CWC22: variants seen among roughly 807,000 people sequenced by gnomAD.
The protein encoded by CWC22 is pre-mRNA-splicing factor CWC22 homolog.
A neutral mutation model predicts 117.2 loss-of-function variants in CWC22; 53 were observed. The observed-to-expected ratio is 0.45, with a 90% CI of 0.36 to 0.57. The LOEUF (loss-of-function observed/expected upper bound fraction) is 0.57, where lower values mean the gene tolerates loss of function less well. Ranked by LOEUF, CWC22 falls within the 20% of genes least tolerant of loss-of-function variation. The probability of loss-of-function intolerance (pLI) is 0.00; values close to 1 mark genes in which losing one functional copy is unlikely to be tolerated. For synonymous variants in CWC22, 360 were observed against 355.6 expected (o/e 1.01, Z -0.14); for missense variants, 980 against 1,068.8 (o/e 0.92, Z 1.16).
intron 14 of CWC22, among the ~76,000 whole-genome samples, chr2:179,955,254 A>G (rs746788967): frequency 1.3e-5 from 2 of 152,044 alleles, no homozygotes; most frequent in African/African-American, 4.8e-5. Flanking sequence ...TGCTAATTAC[A>G]TTAATTATAA....
intron 8 of CWC22, among the ~76,000 whole-genome samples, chr2:179,972,074 T>C (rs1687048810): frequency 6.6e-6 from 1 of 152,218 alleles, no homozygotes; most frequent in Non-Finnish European, 1.5e-5. Flanking sequence ...GTTACAGATG[T>C]GAAATTAAGT....
chr2:179,963,564 G>A (rs1475516783), intron 13 of CWC22, among the ~76,000 whole-genome samples: 1 of 151,098 alleles, frequency 6.6e-6, no homozygotes, highest in East Asian at 1.9e-4. Context: ...GGATGGTCTC[G>A]ATCTCCTGAC....
intron 5 of CWC22, among the ~76,000 whole-genome samples, chr2:179,980,294 T>C (rs1575651503): frequency 6.6e-6 from 1 of 152,296 alleles, no homozygotes; most frequent in East Asian, 1.9e-4. Flanking sequence ...CGCTAAAATA[T>C]GACACATAAA....
chr2:179,996,896 T>C (rs1164492815), intron 1 of CWC22, among the ~76,000 whole-genome samples: 1 of 148,642 alleles, frequency 6.7e-6, no homozygotes, highest in Non-Finnish European at 1.5e-5. Context: ...AATGAAGACA[T>C]TTACTGATTA....
At chr2:179,954,490 C>A in intron 15 of CWC22, 133 bp from the exon 16 acceptor site, 2 of 573,898 alleles carry the variant, frequency 3.5e-6, no homozygotes, top group Non-Finnish European at 5.9e-6. Context: ...TCACTAAATC[C>A]TTTTGTGCCA....
intron 1 of CWC22, among the ~76,000 whole-genome samples, chr2:179,994,389 G>C (rs1371145866): frequency 6.6e-6 from 1 of 152,094 alleles, no homozygotes; most frequent in African/African-American, 2.4e-5. Context: ...AGAGAACACT[G>C]AAAGCCAGAT....
At chr2:179,996,573 C>A (rs1015698150) in intron 1 of CWC22, among the ~76,000 whole-genome samples, 1 of 151,980 alleles carries the variant, frequency 6.6e-6, no homozygotes, top group Admixed American at 6.6e-5. Context: ...ACCATGTTCT[C>A]ATTTACATGC....
At chr2:179,971,978 A>C (rs1687046455) in intron 8 of CWC22, among the ~76,000 whole-genome samples, 1 of 152,170 alleles carries the variant, frequency 6.6e-6, no homozygotes, top group African/African-American at 2.4e-5. Context: ...AGATGCAAAA[A>C]ATTTATCATA....
intron 6 of CWC22, among the ~76,000 whole-genome samples, chr2:179,976,437 T>G (rs1285457068): frequency 6.6e-6 from 1 of 152,176 alleles, no homozygotes; most frequent in Non-Finnish European, 1.5e-5. Context: ...CTAGAATGCT[T>G]CTGCACAGCA....
chr2:179,950,628 G>A lies in CWC22; in HGVS notation c.2024C>T (p.Ser675Phe), dbSNP rs756835264. Residue 675 changes from serine (S) to phenylalanine (F), a missense_variant, in exon 19 of 20, where the codon TCC becomes TTC. This residue lies in a region of CWC22 where 306 missense variants were observed against 296.8 expected (regional missense o/e 1.03). Coordinates refer to ENST00000410053, the MANE Select transcript of CWC22 (RefSeq NM_020943.3). The part of the protein sequence containing the change: ...KSSPSSSSSA[S>F]SSSESDSSDS... ...GGATGAGTCAGACTCTGAAGAGGAGGACGCTGAAGAGGAAGAGGATGGGGA... is the reference window on the plus strand; with the variant it reads ...GGATGAGTCAGACTCTGAAGAGGAGAACGCTGAAGAGGAAGAGGATGGGGA... 4.3e-6 allele frequency: 7 copies of A among 1,613,544 alleles called. No homozygotes were observed. The highest frequency in any genetic ancestry group is 5.9e-6 in the Non-Finnish European group (7 of 1,179,562).
chr2:179,978,294 C>T lies in CWC22; in HGVS notation c.477G>A (p.Trp159Ter). 6.5e-7 allele frequency: 1 copy of T among 1,529,756 alleles called. No individual in the cohort carries two copies. Among genetic ancestry groups the T allele is most frequent in the Non-Finnish European group, 8.8e-7 (1 of 1,139,708 alleles). 94.8% of individuals were successfully genotyped at this position (1,529,756 alleles called of 1,614,324 possible). A position where few individuals can be genotyped will look rare whatever the true frequency, so the allele number is the denominator to read the frequency against. Residue 159 changes from tryptophan (W) to a stop codon, truncating the protein, a stop_gained, in exon 6 of 20, where the codon TGG (tryptophan) becomes TGA (stop). Coordinates refer to ENST00000410053, the MANE Select transcript of CWC22 (RefSeq NM_020943.3). LOFTEE classifies it high-confidence loss of function. ...KNSLAYQRMS[W>*]EALKKSINGL... is the part of the protein sequence containing the mutation. Reference sequence around the variant, plus strand: ...CATTAATTGACTTCTTCAGGGCCTCCCAACTCATCCTCTGGTATGCTAAGC... The same window carrying T: ...CATTAATTGACTTCTTCAGGGCCTCTCAACTCATCCTCTGGTATGCTAAGC...
chr2:179,995,460 G>C (rs1384177411), intron 1 of CWC22, among the ~76,000 whole-genome samples: 1 of 152,184 alleles, frequency 6.6e-6, no homozygotes, highest in Non-Finnish European at 1.5e-5. Context: ...AAAGGCGAAA[G>C]AGAGGTTCGA....
intron 13 of CWC22, among the ~76,000 whole-genome samples, chr2:179,962,431 A>G (rs1211390399): frequency 6.6e-6 from 1 of 152,134 alleles, no homozygotes; most frequent in Non-Finnish European, 1.5e-5. Flanking sequence ...CACTGTTGAT[A>G]TGTTAACATA....
At chr2:179,999,314 T>C (rs1687787464) in intron 1 of CWC22, among the ~76,000 whole-genome samples, 1 of 152,178 alleles carries the variant, frequency 6.6e-6, no homozygotes, top group Non-Finnish European at 1.5e-5. Context: ...GTGAATTTTA[T>C]GGTGAATTAT....
rs764562773 is a variant in CWC22, at chr2:179,964,620, C to A, written c.1324G>T (p.Val442Leu). 2.0e-6 allele frequency: 3 copies of A among 1,530,084 alleles called. No homozygotes were observed. In the African/African-American group the frequency reaches 4.1e-5, roughly 21 times the overall value. 94.8% of individuals were successfully genotyped at this position (1,530,084 alleles called of 1,614,324 possible). A position where few individuals can be genotyped will look rare whatever the true frequency, so the allele number is the denominator to read the frequency against. ...ATTTCTGTTTTGTCATGAATAGTTACTTTTTGTCCTGAAAGAAACATAACA... is the reference window on the plus strand; with the variant it reads ...ATTTCTGTTTTGTCATGAATAGTTAATTTTTGTCCTGAAAGAAACATAACA... ...EGEEDEEGQK[V>L]TIHDKTEINL... is the part of the protein sequence containing the mutation. Residue 442 changes from valine (V) to leucine (L), a missense_variant, in exon 13 of 20, where the codon GTA (valine) becomes TTA (leucine). Val to Leu is a conservative substitution (Grantham distance 32). Coordinates refer to ENST00000410053, the MANE Select transcript of CWC22 (RefSeq NM_020943.3).
rs374379796 is a variant in CWC22 at position 179,954,356 on chromosome 2, C to A, written c.1538G>T (p.Arg513Leu). 6.5e-7 allele frequency: 1 copy of A among 1,547,988 alleles called. No individual in the cohort carries two copies. The highest frequency in any genetic ancestry group is 8.8e-7 in the Non-Finnish European group (1 of 1,133,484). Reference sequence around the variant, plus strand: ...GTACTCTTTCTTTAGCATGCAAAATCGCTAATAAATAAAAAATCAGTACCA... The same window carrying A: ...GTACTCTTTCTTTAGCATGCAAAATAGCTAATAAATAAAAAATCAGTACCA... ...YEKFFGLLAG[R>L]FCMLKKEYME... Residue 513 changes from arginine (R) to leucine (L), a missense_variant and splice_region_variant, in exon 16 of 20, where the codon CGA (arginine) becomes CTA (leucine). Arg to Leu is a moderately radical substitution (Grantham distance 102). Coordinates refer to ENST00000410053, the MANE Select transcript of CWC22 (RefSeq NM_020943.3).
chr2:179,983,079 G>A (rs977349506), intron 4 of CWC22, among the ~76,000 whole-genome samples: 1 of 152,112 alleles, frequency 6.6e-6, no homozygotes, highest in Admixed American at 6.6e-5. Flanking sequence ...GGTAGCTGTG[G>A]AGGAACAGAT....
At chr2:179,985,479 T>G (rs933860967) in intron 4 of CWC22, among the ~76,000 whole-genome samples, 2 of 152,052 alleles carry the variant, frequency 1.3e-5, no homozygotes, top group African/African-American at 4.8e-5. Context: ...AAGTAACTTT[T>G]TAATTCCATT....
chr2:179,966,339 AAAG>A (rs532014848), intron 11 of CWC22, among the ~76,000 whole-genome samples: 71 of 152,344 alleles, frequency 4.7e-4, no homozygotes, highest in African/African-American at 1.7e-3. Flanking sequence ...TCATCATCAG[AAAG>A]AAGACAGTCC....
Sources: allele counts gnomAD v4.1 joint callset (sites outside exome capture counted in the v4.1 genomes callset), GRCh38; gene constraint gnomAD v4.1.1; regional missense constraint gnomAD v4.1.1; transcripts MANE v1.5; gene names NCBI Gene and HGNC (gene_info 2026-07-23, HGNC 2026-07-21).